GRID1: variants seen among roughly 807,000 people sequenced by gnomAD.
GRID1 encodes the protein glutamate receptor ionotropic, delta-1.
In GRID1, 28 loss-of-function variants were observed where a neutral mutation model predicts 98.0. The ratio of observed to expected loss-of-function variants is 0.29; its 90% CI spans 0.21 to 0.39. GRID1 has a LOEUF of 0.39. Among genes scored for constraint, GRID1 ranks in the 10% least tolerant of loss-of-function variants. The probability of loss-of-function intolerance (pLI) is 1.00; values close to 1 mark genes in which losing one functional copy is unlikely to be tolerated. For missense variants in GRID1, 1,111 were observed against 1,340.5 expected (o/e 0.83, Z 2.67); for synonymous variants, 553 against 538.5 (o/e 1.03, Z -0.37).
At chr10:86,266,354 C>T (rs749104223) in intron 2 of GRID1, among the ~76,000 whole-genome samples, 11 of 152,202 alleles carry the variant, frequency 7.2e-5, no homozygotes, top group Non-Finnish European at 1.2e-4. Context: ...CATTCACACA[C>T]GGCATCCCTG....
intron 8 of GRID1, among the ~76,000 whole-genome samples, chr10:85,791,913 G>C (rs1224495499): frequency 6.6e-6 from 1 of 152,126 alleles, no homozygotes; most frequent in African/African-American, 2.4e-5. Flanking sequence ...CATAGGGAGA[G>C]GGCTGGGCTG....
At chr10:85,611,696 G>C (rs1208413230) in intron 15 of GRID1, among the ~76,000 whole-genome samples, 1 of 152,202 alleles carries the variant, frequency 6.6e-6, no homozygotes, top group East Asian at 1.9e-4. Flanking sequence ...ATGCTTCTGT[G>C]CATAGAGACC....
intron 4 of GRID1, among the ~76,000 whole-genome samples, chr10:86,016,112 G>A (rs1326570634): frequency 6.7e-6 from 1 of 150,362 alleles, no homozygotes; most frequent in East Asian, 2.0e-4. Context: ...AAGAGGCTGA[G>A]TTAAATAGTC....
intron 2 of GRID1, among the ~76,000 whole-genome samples, chr10:86,291,420 C>T (rs1847510385): frequency 6.6e-6 from 1 of 152,134 alleles, no homozygotes; most frequent in Non-Finnish European, 1.5e-5. Flanking sequence ...CCAGGGAAGG[C>T]ACAGGCTGAG....
At chr10:85,790,225 CCT>C (rs1488309981) in intron 8 of GRID1, among the ~76,000 whole-genome samples, 7 of 152,320 alleles carry the variant, frequency 4.6e-5, no homozygotes, top group African/African-American at 1.7e-4. Context: ...CCCTTCGTCC[CCT>C]GTCATTCCCC....
At chr10:85,609,764 A>C (rs757719764) in intron 15 of GRID1, among the ~76,000 whole-genome samples, 3 of 152,024 alleles carry the variant, frequency 2.0e-5, no homozygotes, top group Non-Finnish European at 4.4e-5. Context: ...GTGATGGATG[A>C]CTCATCCCTC....
At chr10:86,259,045 A>C (rs1846968907) in intron 2 of GRID1, among the ~76,000 whole-genome samples, 1 of 152,252 alleles carries the variant, frequency 6.6e-6, no homozygotes, top group South Asian at 2.1e-4. Flanking sequence ...TTCAAAGAAA[A>C]AGAGAGAACC....
intron 2 of GRID1, among the ~76,000 whole-genome samples, chr10:86,320,091 G>A (rs1263104447): frequency 6.6e-6 from 1 of 152,264 alleles, no homozygotes; most frequent in Admixed American, 6.5e-5. Flanking sequence ...AGAGCCGGCA[G>A]AGCGCGAAAA....
rs76460253 is a variant in GRID1, at chr10:86,193,711, G to A, written c.520+12653C>T. Among the ~76,000 whole-genome samples, 1,349 of 152,002 alleles carry A rather than the reference G, an allele frequency of 8.9e-3. 19 individuals are homozygous for A. The highest frequency in any genetic ancestry group is 0.031 in the African/African-American group (1,298 of 41,458). On this transcript the variant is annotated intron_variant, in intron 3 of 15. Coordinates refer to ENST00000327946, the MANE Select transcript of GRID1 (RefSeq NM_017551.3). ...TCAGCTCACATCAGCCCATCCCCCA[G>A]CTCCAGGCCTGTCAGAGACCTCAGA...
chr10:86,336,239 T>G (rs751694491), intron 2 of GRID1, among the ~76,000 whole-genome samples: 4 of 152,158 alleles, frequency 2.6e-5, no homozygotes, highest in Admixed American at 1.3e-4. Flanking sequence ...ATGTACACAA[T>G]AACACATAGA....
intron 4 of GRID1, among the ~76,000 whole-genome samples, chr10:85,933,566 G>A (rs373780045): frequency 2.0e-5 from 3 of 152,298 alleles, no homozygotes; most frequent in South Asian, 4.1e-4. Context: ...GGAATTCTCT[G>A]CTCCAATCTT....
intron 8 of GRID1, among the ~76,000 whole-genome samples, chr10:85,783,796 C>CA (rs781028410): frequency 1.3e-5 from 2 of 151,992 alleles, no homozygotes; most frequent in Admixed American, 1.3e-4. Context: ...TGTTTTACTC[C>CA]AAAAAAATAT....
At chr10:86,332,473 C>T (rs1848159021) in intron 2 of GRID1, among the ~76,000 whole-genome samples, 1 of 152,094 alleles carries the variant, frequency 6.6e-6, no homozygotes, top group South Asian at 2.1e-4. Context: ...GATGGCCTCT[C>T]ACCCCTTGGC....
At position 86,245,601 on chromosome 10, in the gene GRID1, C is replaced by A. The variant is rs150584220; in HGVS notation, c.236-38953G>T. Among the ~76,000 whole-genome samples, 23 of 152,332 alleles carry A rather than the reference C, an allele frequency of 1.5e-4. No homozygotes were observed. In the East Asian group the frequency reaches 4.4e-3, roughly 29 times the overall value. On this transcript the variant is annotated intron_variant, in intron 2 of 15. Transcript: ENST00000327946. ...TCGCTTTACTCCATTCCTTGGTGGC[C>A]TCTGCAAAACAGAGAAGGCCCCACC...
intron 3 of GRID1, among the ~76,000 whole-genome samples, chr10:86,168,295 A>G (rs1359636799): frequency 6.6e-6 from 1 of 152,198 alleles, no homozygotes; most frequent in Non-Finnish European, 1.5e-5. Context: ...TCTACTGAAA[A>G]ATAGGCACAC....
chr10:86,109,101 G>A (rs909354996), intron 4 of GRID1, among the ~76,000 whole-genome samples: 1 of 152,100 alleles, frequency 6.6e-6, no homozygotes, highest in African/African-American at 2.4e-5. Flanking sequence ...TTAAGCAAAC[G>A]TTCTTCCAGC....
At chr10:86,111,801 T>A (rs1212615136) in intron 4 of GRID1, among the ~76,000 whole-genome samples, 1 of 152,160 alleles carries the variant, frequency 6.6e-6, no homozygotes, top group Admixed American at 6.5e-5. Flanking sequence ...CTCAACCTGA[T>A]AGGAAGAGGC....
chr10:86,097,406 G>C (rs1844236501), intron 4 of GRID1, among the ~76,000 whole-genome samples: 1 of 152,148 alleles, frequency 6.6e-6, no homozygotes, highest in Non-Finnish European at 1.5e-5. Flanking sequence ...CAGTGCTGGG[G>C]AGACTGGTAA....
intron 8 of GRID1, among the ~76,000 whole-genome samples, chr10:85,786,714 A>G (rs1842432623): frequency 6.6e-6 from 1 of 152,244 alleles, no homozygotes; most frequent in African/African-American, 2.4e-5. Flanking sequence ...CAGTAATTAC[A>G]GATGGGAAAG....
Sources: gnomAD v4.1 joint callset for allele counts (sites outside exome capture counted in the v4.1 genomes callset) on GRCh38, gnomAD v4.1.1 for gene constraint, MANE v1.5 for transcripts, NCBI Gene and HGNC (gene_info 2026-07-23, HGNC 2026-07-21) for gene names.